CNTNAP2: variants seen among roughly 807,000 people sequenced by gnomAD.
CNTNAP2 encodes contactin associated protein 2.
A neutral mutation model predicts 155.2 loss-of-function variants in CNTNAP2; 98 were observed. The observed-to-expected ratio is 0.63, with a 90% CI of 0.54 to 0.75. CNTNAP2 has a LOEUF of 0.75. Ranked by LOEUF, CNTNAP2 falls within the 30% of genes least tolerant of loss-of-function variation. The pLI is 0.00. For synonymous variants in CNTNAP2, 651 were observed against 631.2 expected (o/e 1.03, Z -0.47); for missense variants, 1,727 against 1,688.1 (o/e 1.02, Z -0.40).
At chr7:147,883,250 A>G (rs1324569524) in intron 13 of CNTNAP2, among the ~76,000 whole-genome samples, 1 of 152,090 alleles carries the variant, frequency 6.6e-6, no homozygotes, top group Non-Finnish European at 1.5e-5. Flanking sequence ...GCCCTCCCAA[A>G]TCAACCTGCA....
chr7:148,081,593 C>T (rs1803604893), intron 15 of CNTNAP2, among the ~76,000 whole-genome samples: 1 of 151,996 alleles, frequency 6.6e-6, no homozygotes. Flanking sequence ...TGCTCTTCAG[C>T]TTGCGGATGG....
chr7:147,445,344 C>T (rs1317377166), intron 10 of CNTNAP2, among the ~76,000 whole-genome samples: 1 of 152,176 alleles, frequency 6.6e-6, no homozygotes, highest in Non-Finnish European at 1.5e-5. Context: ...AATGCTAGAA[C>T]ATTCTAGTGG....
chr7:147,091,536 C>T (rs1271058854), intron 4 of CNTNAP2, among the ~76,000 whole-genome samples: 1 of 152,088 alleles, frequency 6.6e-6, no homozygotes, highest in African/African-American at 2.4e-5. Flanking sequence ...ACTGCAACCT[C>T]CGCCTACGGG....
At chr7:146,755,902 A>G (rs1801987375) in intron 1 of CNTNAP2, among the ~76,000 whole-genome samples, 2 of 151,936 alleles carry the variant, frequency 1.3e-5, no homozygotes, top group South Asian at 4.1e-4. Flanking sequence ...TTTATTTGCC[A>G]TATCGTTGTC....
intron 12 of CNTNAP2, among the ~76,000 whole-genome samples, chr7:147,621,212 C>A (rs1794842378): frequency 1.3e-5 from 2 of 151,808 alleles, no homozygotes; most frequent in Admixed American, 6.6e-5. Flanking sequence ...AACACCAGAC[C>A]TGTCCTATGA....
intron 13 of CNTNAP2, among the ~76,000 whole-genome samples, chr7:147,725,207 C>G (rs1796623010): frequency 6.7e-6 from 1 of 149,722 alleles, no homozygotes; most frequent in South Asian, 2.1e-4. Flanking sequence ...GAATTATTAT[C>G]CATTTTGTAC....
chr7:146,692,037 A>G (rs1019067293), intron 1 of CNTNAP2, among the ~76,000 whole-genome samples: 5 of 152,044 alleles, frequency 3.3e-5, no homozygotes, highest in African/African-American at 1.2e-4. Context: ...AAATGTGTAA[A>G]ATTGGTCAGA....
At chr7:146,560,824 C>T (rs1175306720) in intron 1 of CNTNAP2, among the ~76,000 whole-genome samples, 1 of 152,122 alleles carries the variant, frequency 6.6e-6, no homozygotes, top group African/African-American at 2.4e-5. Flanking sequence ...AAAGCTTCAA[C>T]ATACTCTTCT....
intron 13 of CNTNAP2, among the ~76,000 whole-genome samples, chr7:147,760,161 T>C (rs1366271949): frequency 6.6e-6 from 1 of 152,074 alleles, no homozygotes; most frequent in East Asian, 1.9e-4. Context: ...CCTCTCCATA[T>C]GATGATTTAT....
intron 10 of CNTNAP2, among the ~76,000 whole-genome samples, chr7:147,466,198 C>T (rs1798116904): frequency 6.6e-6 from 1 of 152,220 alleles, no homozygotes; most frequent in South Asian, 2.1e-4. Context: ...TGATCTAATG[C>T]TAATAGATTT....
chr7:148,247,659 A>T (rs538743625), intron 20 of CNTNAP2, among the ~76,000 whole-genome samples: 26,049 of 121,728 alleles, frequency 0.21, 3,033 homozygotes, highest in Non-Finnish European at 0.24. Flanking sequence ...TTATTTATTT[A>T]TTTATTTTTT....
rs539424372 is a variant in CNTNAP2 at position 146,851,015 on chromosome 7, C to T, written c.402+11111C>T. Among the ~76,000 whole-genome samples the T allele has an allele frequency of 3.0e-4, 46 of 152,120 alleles. 1 individual carries two copies. In the South Asian group the frequency reaches 3.7e-3, roughly 12 times the overall value. On this transcript the variant is annotated intron_variant, in intron 3 of 23. Transcript: ENST00000361727. ...TTTTTATTTTTTTGAAACAGAGTCT[C>T]GCTCTGTCACCCAGGCTGGAGTGCA...
At chr7:146,163,567 C>A (rs935203326) in intron 1 of CNTNAP2, among the ~76,000 whole-genome samples, 2 of 126,728 alleles carry the variant, frequency 1.6e-5, no homozygotes, top group East Asian at 2.0e-4. Flanking sequence ...CTATATCTAT[C>A]TATATCTATC....
intron 4 of CNTNAP2, among the ~76,000 whole-genome samples, chr7:147,044,927 T>A (rs1306326742): frequency 6.6e-6 from 1 of 152,156 alleles, no homozygotes; most frequent in African/African-American, 2.4e-5. Context: ...GATATATCTT[T>A]GCTTATTTGC....
chr7:146,472,234 G>A (rs1489344650), intron 1 of CNTNAP2, among the ~76,000 whole-genome samples: 10 of 152,028 alleles, frequency 6.6e-5, no homozygotes, highest in African/African-American at 1.7e-4. Flanking sequence ...GGAGGTCTGC[G>A]CTATATATGG....
At chr7:146,191,541 C>T (rs142093184) in intron 1 of CNTNAP2, among the ~76,000 whole-genome samples, 1,939 of 152,174 alleles carry the variant, frequency 0.013, 49 homozygotes, top group African/African-American at 0.044. Context: ...GGAATTTCCT[C>T]GTCCTAATAG....
intron 22 of CNTNAP2, 140 bp downstream of exon 22, chr7:148,384,028 T>A: frequency 4.2e-6 from 5 of 1,203,836 alleles, no homozygotes; most frequent in Non-Finnish European, 5.9e-6. Context: ...ACGTTGTGAG[T>A]ACGGAGTTCT....
At chr7:147,202,789 G>A (rs1054263426) in intron 8 of CNTNAP2, among the ~76,000 whole-genome samples, 35 of 151,978 alleles carry the variant, frequency 2.3e-4, no homozygotes, top group African/African-American at 7.7e-4. Flanking sequence ...ACACACCAGG[G>A]CCTGTAGGGG....
chr7:147,334,738 T>C (rs1051634407), intron 9 of CNTNAP2, among the ~76,000 whole-genome samples: 8 of 152,132 alleles, frequency 5.3e-5, no homozygotes, highest in African/African-American at 1.9e-4. Context: ...CCTAGCTGTC[T>C]AGCAAATCTA....
Sources: allele counts gnomAD v4.1 joint callset (sites outside exome capture counted in the v4.1 genomes callset), GRCh38; gene constraint gnomAD v4.1.1; transcripts MANE v1.5; gene names NCBI Gene and HGNC (gene_info 2026-07-23, HGNC 2026-07-21).